Variants in COPA observed in about 807,000 individuals in gnomAD.
COPA encodes coat protein complex I subunit alpha.
In COPA, 10 loss-of-function variants were observed where a neutral mutation model predicts 158.7. The ratio of observed to expected loss-of-function variants is 0.06; its 90% confidence interval spans 0.04 to 0.11. The LOEUF (loss-of-function observed/expected upper bound fraction) is 0.11, where lower values mean the gene tolerates loss of function less well. Among genes scored for constraint, COPA ranks in the 10% least tolerant of loss-of-function variants. The pLI is 1.00. For missense variants in COPA, 1,065 were observed against 1,536.7 expected (o/e 0.69, Z 5.13); for synonymous variants, 462 against 542.8 (o/e 0.85, Z 2.07).
intron 13 of COPA, 84 bp downstream of exon 13, chr1:160,309,017 T>G: frequency 9.2e-7 from 1 of 1,089,046 alleles, no homozygotes; most frequent in Non-Finnish European, 1.4e-6. Flanking sequence ...GGCTTGGGGA[T>G]GGAATGTGAA....
chr1:160,331,261 G>C (rs1180013583), intron 6 of COPA, among the ~76,000 whole-genome samples: 1 of 151,992 alleles, frequency 6.6e-6, no homozygotes, highest in East Asian at 1.9e-4. Flanking sequence ...TTAAATCCTT[G>C]TCTCAAAATA....
intron 11 of COPA, among the ~76,000 whole-genome samples, chr1:160,311,168 C>G (rs1171946064): frequency 6.6e-6 from 1 of 151,960 alleles, no homozygotes; most frequent in Non-Finnish European, 1.5e-5. Context: ...TGGTTGGGTG[C>G]GGTGGCTCAC....
At chr1:160,291,032 C>A (rs1658213578) in intron 31 of COPA, among the ~76,000 whole-genome samples, 1 of 152,098 alleles carries the variant, frequency 6.6e-6, no homozygotes, top group Non-Finnish European at 1.5e-5. Context: ...GTATGTGAAG[C>A]TTTGTGGTGG....
Position 160,325,525 on chromosome 1 carries a change from G to A in COPA, c.606+18C>T. ...AGATGACAGCCCATATTCAGCCCCT[G>A]GCTATAAAGATAAGTACCTCTAGTA... On this transcript the variant is annotated intron_variant, in intron 7 of 32. Transcript: ENST00000241704. 6.3e-7 allele frequency: 1 copy of A among 1,595,458 alleles called. No individual in the cohort carries two copies. Among genetic ancestry groups the A allele is most frequent in the Non-Finnish European group, 8.6e-7 (1 of 1,163,080 alleles).
chr1:160,328,783 A>G (rs1416435099), intron 6 of COPA, among the ~76,000 whole-genome samples: 1 of 152,222 alleles, frequency 6.6e-6, no homozygotes, highest in African/African-American at 2.4e-5. Context: ...CCTTTTAAAC[A>G]AATAGTTTTT....
chr1:160,320,377 A>G (rs1659292292), intron 8 of COPA, among the ~76,000 whole-genome samples: 1 of 152,098 alleles, frequency 6.6e-6, no homozygotes, highest in Admixed American at 6.6e-5. Context: ...TGGGAGGTGG[A>G]GACAGGTGGA....
At chr1:160,297,181 G>A (rs992653649) in intron 21 of COPA, among the ~76,000 whole-genome samples, 162 bp downstream of exon 21, 6 of 152,026 alleles carry the variant, frequency 3.9e-5, no homozygotes, top group African/African-American at 1.2e-4. Flanking sequence ...ACCTCCCTTT[G>A]GCTTTGAAGA....
At chr1:160,313,420 T>G (rs1201169440) in intron 9 of COPA, among the ~76,000 whole-genome samples, 2 of 392 alleles carry the variant, frequency 5.1e-3, no homozygotes, top group South Asian at 0.1. Flanking sequence ...TCATTCTGCA[T>G]TTTTTTTTTT....
At chr1:160,339,145 T>C (rs1647919458) in intron 3 of COPA, among the ~76,000 whole-genome samples, 1 of 143,976 alleles carries the variant, frequency 6.9e-6, no homozygotes, top group African/African-American at 3.0e-5. Context: ...TTCTCCTTAT[T>C]GGCCATCTCA....
rs188984761 is a variant in COPA, at chr1:160,336,389, T to C, written c.229-1067A>G. Among the ~76,000 whole-genome samples, 405 of 149,976 alleles carry C rather than the reference T, an allele frequency of 2.7e-3. 2 individuals are homozygous for C. The highest frequency in any genetic ancestry group is 5.0e-3 in the Non-Finnish European group (340 of 67,558). On this transcript the variant is annotated intron_variant, in intron 3 of 32. Coordinates refer to ENST00000241704, the MANE Select transcript of COPA (RefSeq NM_004371.4). ...ACCATGACTCCAAGGGAAACAATAA[T>C]ATAGGGCATCAGCTTCTTAGGCTCC...
chr1:160,311,851 A>C lies in COPA; in HGVS notation c.1076+17T>G. 4 of 1,607,478 alleles carry C rather than the reference A, an allele frequency of 2.5e-6. No individual in the cohort carries two copies. The highest frequency in any genetic ancestry group is 3.4e-6 in the Non-Finnish European group (4 of 1,175,578). On this transcript the variant is annotated intron_variant, in intron 11 of 32. Coordinates refer to ENST00000241704, the MANE Select transcript of COPA (RefSeq NM_004371.4). The stretch of plus-strand genomic sequence containing the variant: ...ACAGATGAGAGGGTTTGGAGGAAAG[A>C]AACAAGTCCGATTTACCTCCGCAAC...
Position 160,343,117 on chromosome 1 carries a change from T to G in COPA, c.40+14A>C. ...ACATCCAACCTCCATGTTCCCCCTTTTATTCTCCACTACCTTTGACCCGCG... is the reference window on the plus strand; with the variant it reads ...ACATCCAACCTCCATGTTCCCCCTTGTATTCTCCACTACCTTTGACCCGCG... On this transcript the variant is annotated intron_variant, in intron 1 of 32. Coordinates refer to ENST00000241704, the MANE Select transcript of COPA (RefSeq NM_004371.4). 6.2e-7 allele frequency: 1 copy of G among 1,614,078 alleles called. No individual in the cohort carries two copies. Among genetic ancestry groups the G allele is most frequent in the Non-Finnish European group, 8.5e-7 (1 of 1,180,006 alleles).
chr1:160,306,664 A>C (rs993087109), intron 14 of COPA, among the ~76,000 whole-genome samples, 171 bp from the exon 15 acceptor site: 2 of 152,208 alleles, frequency 1.3e-5, no homozygotes, highest in Non-Finnish European at 2.9e-5. Flanking sequence ...ATCTTCTCTA[A>C]GGGCCTTAAT....
chr1:160,331,949 G>C (rs1205392905), intron 6 of COPA, among the ~76,000 whole-genome samples: 1 of 134,700 alleles, frequency 7.4e-6, no homozygotes, highest in East Asian at 2.1e-4. Context: ...CTCCCTCTCA[G>C]AAAAAAAAAA....
chr1:160,310,889 T>C (rs1658944611), intron 11 of COPA, among the ~76,000 whole-genome samples: 1 of 152,118 alleles, frequency 6.6e-6, no homozygotes, highest in Non-Finnish European at 1.5e-5. Flanking sequence ...AGAAAAGAAA[T>C]GCCAAACAAA....
intron 32 of COPA, 105 bp downstream of exon 32, chr1:160,290,387 C>G (rs1288848245): frequency 6.9e-7 from 1 of 1,440,134 alleles, no homozygotes; most frequent in Non-Finnish European, 9.5e-7. Context: ...GTCACTGCCT[C>G]AGGGAGCAGG....
chr1:160,340,985 G>A (rs1233558798), intron 1 of COPA, among the ~76,000 whole-genome samples: 3 of 152,134 alleles, frequency 2.0e-5, no homozygotes, highest in Non-Finnish European at 4.4e-5. Context: ...AACTCTCTAG[G>A]CAGTAATCTA....
intron 12 of COPA, among the ~76,000 whole-genome samples, chr1:160,309,988 G>A (rs1289497252): frequency 6.6e-6 from 1 of 152,098 alleles, no homozygotes; most frequent in Non-Finnish European, 1.5e-5. Context: ...TTCAGCTTTA[G>A]GAAAGATAGG....
chr1:160,310,058 A>G (rs1020566937), intron 12 of COPA, 134 bp downstream of exon 12: 2 of 510,154 alleles, frequency 3.9e-6, no homozygotes, highest in African/African-American at 2.0e-5. Context: ...TGAGTCTCTG[A>G]GTGATCACTG....
Sources: gnomAD v4.1 joint callset for allele counts (sites outside exome capture counted in the v4.1 genomes callset) on GRCh38, gnomAD v4.1.1 for gene constraint, MANE v1.5 for transcripts, NCBI Gene and HGNC (gene_info 2026-07-23, HGNC 2026-07-21) for gene names.